SPECC1: variants seen among roughly 807,000 people sequenced by gnomAD.
The protein encoded by SPECC1 is cytospin-B.
A neutral mutation model predicts 104.1 loss-of-function variants in SPECC1; 62 were observed. The ratio of observed to expected loss-of-function variants is 0.60; its 90% CI spans 0.49 to 0.74. SPECC1 has a LOEUF of 0.74. Among genes scored for constraint, SPECC1 ranks in the 30% least tolerant of loss-of-function variants. SPECC1 has a pLI of 0.00. For missense variants in SPECC1, 1,306 were observed against 1,310.5 expected (o/e 1.00, Z 0.05); for synonymous variants, 513 against 501.6 (o/e 1.02, Z -0.30).
chr17:20,310,139 T>A (rs1396797248), intron 14 of SPECC1, among the ~76,000 whole-genome samples: 1 of 152,178 alleles, frequency 6.6e-6, no homozygotes, highest in Non-Finnish European at 1.5e-5. Context: ...CAGTCTACTG[T>A]TGATGGACAC....
intron 1 of SPECC1, among the ~76,000 whole-genome samples, chr17:20,028,120 AT>A (rs908401290): frequency 2.5e-4 from 37 of 147,676 alleles, no homozygotes; most frequent in African/African-American, 6.7e-4. Context: ...GTCCAACTTC[AT>A]TTTTTTTTTC....
Position 20,257,685 on chromosome 17 carries a change from G to A in SPECC1, c.2837+78G>A, listed in dbSNP as rs533669250. ...TTATTCTTCCTTCCGTTTTGTCCCC[G>A]TGGCCAATTTACTTCTACAAATATT... On this transcript the variant is annotated intron_variant, in intron 11 of 14. Transcript: ENST00000395527. 42 of 1,543,158 alleles carry A rather than the reference G, an allele frequency of 2.7e-5. No homozygotes were observed. In the East Asian group the frequency reaches 3.0e-4, roughly 11 times the overall value.
chr17:20,235,476 A>G (rs879235827), intron 7 of SPECC1, among the ~76,000 whole-genome samples: 1 of 152,222 alleles, frequency 6.6e-6, no homozygotes. Context: ...CTTTTTCCTG[A>G]AAAGTTGAGT....
At chr17:20,084,589 C>A (rs1405353457) in intron 1 of SPECC1, among the ~76,000 whole-genome samples, 1 of 152,060 alleles carries the variant, frequency 6.6e-6, no homozygotes, top group Admixed American at 6.6e-5. Flanking sequence ...CTTTTGAAGA[C>A]CATAAGTTTT....
intron 3 of SPECC1, among the ~76,000 whole-genome samples, chr17:20,169,456 G>T (rs964819483): frequency 1.3e-5 from 2 of 151,810 alleles, no homozygotes; most frequent in African/African-American, 4.8e-5. Flanking sequence ...TAGATAGAAT[G>T]ATTTGATGGA....
chr17:20,038,248 T>C (rs2045171759), intron 1 of SPECC1, among the ~76,000 whole-genome samples: 1 of 151,586 alleles, frequency 6.6e-6, no homozygotes, highest in African/African-American at 2.4e-5. Flanking sequence ...TTCTTTTGCT[T>C]GCTTTGGGTT....
intron 1 of SPECC1, among the ~76,000 whole-genome samples, chr17:20,028,563 G>T (rs1410623650): frequency 1.3e-5 from 2 of 149,698 alleles, no homozygotes; most frequent in Non-Finnish European, 2.9e-5. Context: ...CCATTGATAT[G>T]TATGTATGTA....
chr17:20,096,325 A>G lies in SPECC1; in HGVS notation c.-21-306A>G, dbSNP rs187529142. Among the ~76,000 whole-genome samples, 4 of 152,330 alleles carry G rather than the reference A, an allele frequency of 2.6e-5. No individual in the cohort carries two copies. In the East Asian group the frequency reaches 5.8e-4, roughly 22 times the overall value. On this transcript the variant is annotated intron_variant, in intron 1 of 14. Transcript: ENST00000395527. ...CCTGTTTTATCTGGGTGTGAGATAC[A>G]GATACATAGTGTATGGGTATTTGGT...
chr17:20,223,947 A>C (rs1359919569), intron 4 of SPECC1, among the ~76,000 whole-genome samples: 1 of 152,194 alleles, frequency 6.6e-6, no homozygotes, highest in African/African-American at 2.4e-5. Context: ...CAGTCTTCAC[A>C]GTCTGGGCTT....
chr17:20,145,926 G>T (rs549113405), intron 3 of SPECC1, among the ~76,000 whole-genome samples: 3 of 152,228 alleles, frequency 2.0e-5, no homozygotes, highest in East Asian at 3.9e-4. Context: ...TCTTTTAGAG[G>T]TATTGTAGGT....
intron 1 of SPECC1, among the ~76,000 whole-genome samples, chr17:20,066,655 C>T (rs1467670943): frequency 6.6e-6 from 1 of 152,140 alleles, no homozygotes; most frequent in Non-Finnish European, 1.5e-5. Context: ...AAGCTTTCCT[C>T]AGGTGGAATT....
chr17:20,246,185 C>T (rs1334947922), intron 8 of SPECC1, 114 bp downstream of exon 8: 16 of 1,323,688 alleles, frequency 1.2e-5, no homozygotes, highest in African/African-American at 1.5e-5. Flanking sequence ...ACCACAAGGG[C>T]GCTTTCCAGG....
At chr17:20,161,017 C>T (rs1193713747) in intron 3 of SPECC1, among the ~76,000 whole-genome samples, 1 of 152,140 alleles carries the variant, frequency 6.6e-6, no homozygotes, top group African/African-American at 2.4e-5. Context: ...TTGAGACCAG[C>T]CTGGCCAACA....
At chr17:20,168,858 C>G (rs527578065) in intron 3 of SPECC1, among the ~76,000 whole-genome samples, 55 of 152,134 alleles carry the variant, frequency 3.6e-4, no homozygotes, top group African/African-American at 1.3e-3. Context: ...TGTTAGTAAT[C>G]AGAAACGATG....
intron 1 of SPECC1, among the ~76,000 whole-genome samples, chr17:20,049,723 A>G (rs1003114156): frequency 1.3e-5 from 2 of 152,128 alleles, no homozygotes; most frequent in African/African-American, 4.8e-5. Context: ...GGGTTTTTAT[A>G]TTATAGGCAT....
At chr17:20,278,876 A>T (rs2151661280) in intron 12 of SPECC1, among the ~76,000 whole-genome samples, 1 of 152,270 alleles carries the variant, frequency 6.6e-6, no homozygotes, top group African/African-American at 2.4e-5. Flanking sequence ...GAAAAACAGG[A>T]TTTTCAAAAT....
intron 1 of SPECC1, among the ~76,000 whole-genome samples, chr17:20,034,167 G>A (rs1490962576): frequency 3.3e-5 from 5 of 151,116 alleles, no homozygotes; most frequent in African/African-American, 2.4e-5. Flanking sequence ...GCACAATCTC[G>A]GCTCACTGCA....
intron 3 of SPECC1, among the ~76,000 whole-genome samples, chr17:20,190,828 T>C (rs909217640): frequency 1.3e-5 from 2 of 152,124 alleles, no homozygotes; most frequent in African/African-American, 4.8e-5. Context: ...GGGGGATGAA[T>C]GGGCAGGCAC....
At chr17:20,097,105 C>T (rs2047686043) in intron 2 of SPECC1, among the ~76,000 whole-genome samples, 1 of 152,198 alleles carries the variant, frequency 6.6e-6, no homozygotes, top group Admixed American at 6.5e-5. Context: ...GGGTCGAGGT[C>T]ATGCACGATC....
Sources: gnomAD v4.1 joint callset for allele counts (sites outside exome capture counted in the v4.1 genomes callset) on GRCh38, gnomAD v4.1.1 for gene constraint, MANE v1.5 for transcripts, NCBI Gene and HGNC (gene_info 2026-07-23, HGNC 2026-07-21) for gene names.